The following BMP10 variants were observed in gnomAD, a reference collection of about 807,000 sequenced individuals.
BMP10 encodes bone morphogenetic protein 10.
A neutral mutation model predicts 29.9 loss-of-function variants in BMP10; 9 were observed. The ratio of observed to expected loss-of-function variants is 0.30; its 90% CI spans 0.18 to 0.53. BMP10 has a LOEUF of 0.53. BMP10 is among the 20% of genes least tolerant of loss of function. BMP10 has a pLI of 0.96. For synonymous variants in BMP10, 202 were observed against 200.2 expected (o/e 1.01, Z -0.07); for missense variants, 474 against 524.3 (o/e 0.90, Z 0.94).
rs1682887121 is a variant in BMP10, at chr2:68,862,906, G to A, written c.*2725C>T. Reference sequence around the variant, plus strand: ...ATCATAGAAATGCAGGTTTACATCTGGATGGGCAGAAAGAAACAACTGGGC... The same window carrying A: ...ATCATAGAAATGCAGGTTTACATCTAGATGGGCAGAAAGAAACAACTGGGC... On this transcript the variant is annotated 3_prime_UTR_variant, in exon 2 of 2. Transcript: ENST00000295379. Among the ~76,000 whole-genome samples the A allele has an allele frequency of 6.6e-6, 1 of 152,198 alleles. No homozygotes were observed. Among genetic ancestry groups the A allele is most frequent in the Non-Finnish European group, 1.5e-5 (1 of 68,032 alleles).
chr2:68,863,054 G>T lies in BMP10; in HGVS notation c.*2577C>A. ...CAGCAGCGCACACAGTGGAAAGCAG[G>T]GCTGGCACATCCTTAACATTCTAGT... On this transcript the variant is annotated 3_prime_UTR_variant, in exon 2 of 2. Transcript: ENST00000295379. Among the ~76,000 whole-genome samples, 1 of 152,104 alleles carries T rather than the reference G, an allele frequency of 6.6e-6. No homozygotes were observed. The highest frequency in any genetic ancestry group is 3.2e-3 in the Middle Eastern group (1 of 316).
intron 1 of BMP10, among the ~76,000 whole-genome samples, chr2:68,870,686 T>A (rs1683049437): frequency 6.6e-6 from 1 of 152,252 alleles, no homozygotes; most frequent in South Asian, 2.1e-4. Flanking sequence ...AATCAAGGCC[T>A]ATTTGGAAAA....
rs1218453469 is a variant in BMP10, at chr2:68,861,861, G to A, written c.*3770C>T. On this transcript the variant is annotated 3_prime_UTR_variant, in exon 2 of 2. Coordinates refer to ENST00000295379, the MANE Select transcript of BMP10 (RefSeq NM_014482.3). The stretch of plus-strand genomic sequence containing the variant: ...AAATTTACACATCAGGAAAGAATTC[G>A]GCACTTTGGGGCTGACTCTTTTGGA... Among the ~76,000 whole-genome samples, 10 of 151,972 alleles carry A rather than the reference G, an allele frequency of 6.6e-5. No individual in the cohort carries two copies. The highest frequency in any genetic ancestry group is 2.2e-4 in the African/African-American group (9 of 41,356).
rs1335780954 is a variant in BMP10, at chr2:68,864,985, T to G, written c.*646A>C. On this transcript the variant is annotated 3_prime_UTR_variant, in exon 2 of 2. Transcript: ENST00000295379. ...GTTGCCCTCTGGAGCACATTGGTCC[T>G]CCATGGGTTCATTTTTTCCTGTTGT... Among the ~76,000 whole-genome samples, 1 of 152,174 alleles carries G rather than the reference T, an allele frequency of 6.6e-6. No individual in the cohort carries two copies. The highest frequency in any genetic ancestry group is 1.9e-4 in the East Asian group (1 of 5,190).
At chr2:68,867,476 C>A (rs567040735) in intron 1 of BMP10, among the ~76,000 whole-genome samples, 1 of 152,162 alleles carries the variant, frequency 6.6e-6, no homozygotes. Context: ...TGGCATGGGG[C>A]GTGACATGTA....
chr2:68,866,881 G>A (rs558269825), intron 1 of BMP10, among the ~76,000 whole-genome samples: 4 of 152,240 alleles, frequency 2.6e-5, no homozygotes, highest in South Asian at 4.2e-4. Context: ...GAACTGGGAG[G>A]GACCTTGGAG....
rs1682887594 is a variant in BMP10, at chr2:68,862,942, G to T, written c.*2689C>A. Among the ~76,000 whole-genome samples, 1 of 152,216 alleles carries T rather than the reference G, an allele frequency of 6.6e-6. No homozygotes were observed. The highest frequency in any genetic ancestry group is 6.5e-5 in the Admixed American group (1 of 15,282). ...AAGAAACAACTGGGCTATGCAGCCT[G>T]ATCGCCAACAGCCTATATTTTCATA... On this transcript the variant is annotated 3_prime_UTR_variant, in exon 2 of 2. Transcript: ENST00000295379.
Position 68,863,658 on chromosome 2 carries a change from T to A in BMP10, c.*1973A>T, listed in dbSNP as rs137864430. Among the ~76,000 whole-genome samples, 56 of 152,284 alleles carry A rather than the reference T, an allele frequency of 3.7e-4. No individual in the cohort carries two copies. The highest frequency in any genetic ancestry group is 7.4e-4 in the Non-Finnish European group (50 of 68,018). ...TACCCACTGACGGTCAAAACACCAC[T>A]CTTCCATGAGCAATGAATTCCCCAG... is the stretch of plus-strand genomic sequence containing the variant. On this transcript the variant is annotated 3_prime_UTR_variant, in exon 2 of 2. Transcript: ENST00000295379.
In BMP10 at chr2:68,863,568, A is replaced by C. The variant is rs1468716094; in HGVS notation, c.*2063T>G. On this transcript the variant is annotated 3_prime_UTR_variant, in exon 2 of 2. Coordinates refer to ENST00000295379, the MANE Select transcript of BMP10 (RefSeq NM_014482.3). The stretch of plus-strand genomic sequence containing the variant: ...CACACACATACACACATCATGTTAT[A>C]TGGAGGCTGTTCCACAAATAGTGAT... Among the ~76,000 whole-genome samples the C allele has an allele frequency of 6.6e-6, 1 of 152,184 alleles. No homozygotes were observed. The highest frequency in any genetic ancestry group is 1.5e-5 in the Non-Finnish European group (1 of 68,022).
Position 68,866,475 on chromosome 2 carries a change from T to C in BMP10, c.431A>G (p.Glu144Gly). ...IPHHEEVIMA[E>G]LRLYTLVQRD... ...TTGCACCAGTGTGTATAGCCTAAGT[T>C]CAGCCATGATGACCTCTTCATGGTG... The change falls in exon 2 of 2, where the codon GAA becomes GGA. Residue 144 changes from glutamate to glycine, a missense_variant. Around this residue, in one of 2 missense-constraint regions of BMP10, gnomAD observed 408 missense variants for 415.3 expected, o/e 0.98. Coordinates refer to ENST00000295379, the MANE Select transcript of BMP10 (RefSeq NM_014482.3). The C allele has an allele frequency of 6.2e-7, 1 of 1,613,980 alleles. No homozygotes were observed. Among genetic ancestry groups the C allele is most frequent in the East Asian group, 2.2e-5 (1 of 44,882 alleles).
Position 68,864,343 on chromosome 2 carries a change from T to C in BMP10, c.*1288A>G, listed in dbSNP as rs1682913901. On this transcript the variant is annotated 3_prime_UTR_variant, in exon 2 of 2. Coordinates refer to ENST00000295379, the MANE Select transcript of BMP10 (RefSeq NM_014482.3). The stretch of plus-strand genomic sequence containing the variant: ...TTACTTATTCTGGTTTTCTTTTCTC[T>C]TATATCTAAGTATTCTTCATGAACA... 6.6e-6 allele frequency among the ~76,000 whole-genome samples: 1 copy of C among 152,218 alleles called. No homozygotes were observed. The highest frequency in any genetic ancestry group is 1.5e-5 in the Non-Finnish European group (1 of 68,028).
intron 1 of BMP10, among the ~76,000 whole-genome samples, chr2:68,867,047 T>G (rs1028433868): frequency 2.0e-5 from 3 of 152,170 alleles, no homozygotes; most frequent in Non-Finnish European, 4.4e-5. Context: ...CACAGTTGGC[T>G]GGACACTGGT....
In BMP10 at chr2:68,869,581, G is replaced by A. The variant is rs539119752; in HGVS notation, c.334+1444C>T. On this transcript the variant is annotated intron_variant, in intron 1 of 1. Coordinates refer to ENST00000295379, the MANE Select transcript of BMP10 (RefSeq NM_014482.3). ...CGGAAAACGTTTCTAGTTTTCCAGG[G>A]GATGCAAACAACATTTTCTCACCCA... Among the ~76,000 whole-genome samples the A allele has an allele frequency of 2.0e-4, 30 of 152,214 alleles. No individual in the cohort carries two copies. The South Asian group carries it at 2.3e-3, about 12-fold the overall frequency.
At chr2:68,869,793 A>C (rs1683035992) in intron 1 of BMP10, among the ~76,000 whole-genome samples, 1 of 152,210 alleles carries the variant, frequency 6.6e-6, no homozygotes, top group South Asian at 2.1e-4. Context: ...AAAGGGAGAT[A>C]ATATCTTAGG....
chr2:68,863,471 A>G lies in BMP10; in HGVS notation c.*2160T>C, dbSNP rs17036118. Among the ~76,000 whole-genome samples, 7,920 of 152,294 alleles carry G rather than the reference A, an allele frequency of 0.052. 248 individuals carry two copies. The highest frequency in any genetic ancestry group is 0.12 in the East Asian group (640 of 5,180). ...AGTATGTGAGTATACATTGTGTACC[A>G]TGGAGTATGAAGGATGCACCACGTT... On this transcript the variant is annotated 3_prime_UTR_variant, in exon 2 of 2. Coordinates refer to ENST00000295379, the MANE Select transcript of BMP10 (RefSeq NM_014482.3).
At chr2:68,869,706 G>A (rs986160814) in intron 1 of BMP10, among the ~76,000 whole-genome samples, 2 of 152,102 alleles carry the variant, frequency 1.3e-5, no homozygotes, top group Non-Finnish European at 2.9e-5. Context: ...ACCTCCAAAA[G>A]CAATCTGTAA....
At chr2:68,868,062 A>G (rs1200803158) in intron 1 of BMP10, among the ~76,000 whole-genome samples, 1 of 152,198 alleles carries the variant, frequency 6.6e-6, no homozygotes, top group East Asian at 1.9e-4. Context: ...GGCTCTCAAG[A>G]CCAGCTATAT....
intron 1 of BMP10, among the ~76,000 whole-genome samples, chr2:68,870,467 T>C (rs771543741): frequency 6.6e-6 from 1 of 152,374 alleles, no homozygotes; most frequent in African/African-American, 2.4e-5. Context: ...AGGATGTACA[T>C]GACACATCAA....
In BMP10 at chr2:68,871,155, G is replaced by A; in HGVS notation, c.204C>T (p.Leu68=). 1 of 1,614,178 alleles carries A rather than the reference G, an allele frequency of 6.2e-7. No homozygotes were observed. Among genetic ancestry groups the A allele is most frequent in the Non-Finnish European group, 8.5e-7 (1 of 1,180,032 alleles). ...CTGAATCCTGCGTGGGGATGTCAGA[G>A]AGGTTTAGTGTCTTAAGAAACTCAT... ...MKDEFLKTLN[L]SDIPTQDSAK... is the part of the protein sequence containing the mutation. The change falls in exon 1 of 2, where the codon CTC becomes CTT. Residue 68 remains leucine, a synonymous_variant. Transcript: ENST00000295379.
Sources: allele counts gnomAD v4.1 joint callset (sites outside exome capture counted in the v4.1 genomes callset), GRCh38; gene constraint gnomAD v4.1.1; regional missense constraint gnomAD v4.1.1; transcripts MANE v1.5; gene names NCBI Gene and HGNC (gene_info 2026-07-23, HGNC 2026-07-21).